ALG12: variants seen among roughly 807,000 people sequenced by gnomAD.
ALG12 encodes ALG12 alpha-1,6-mannosyltransferase.
A neutral mutation model predicts 46.0 loss-of-function variants in ALG12; 36 were observed. The ratio of observed to expected loss-of-function variants is 0.78; its 90% CI spans 0.60 to 1.03. The LOEUF is 1.03. Ranked by LOEUF, ALG12 falls within the 50% of genes least tolerant of loss-of-function variation. The pLI, the probability that ALG12 is intolerant of heterozygous loss-of-function variation, is 0.00. For synonymous variants in ALG12, 326 were observed against 291.6 expected, an observed-to-expected ratio of 1.12 and a Z score of -1.20; for missense variants, 599 against 633.5, an observed-to-expected ratio of 0.95 and a Z score of 0.58.
In ALG12 at chr22:49,903,988, C is replaced by T; in HGVS notation, c.1317G>A (p.Gly439=). ...YTHILMEAAP[G]LLALYRDTHR... The stretch of plus-strand genomic sequence containing the variant: ...GTGTGTCCCTGTAGAGGGCCAGGAG[C>T]CCAGGGGCCGCCTCCATGAGGATGT... The change falls in exon 10 of 10, where the codon GGG becomes GGA. Residue 439 remains glycine, a synonymous_variant. Transcript: ENST00000330817. 1.2e-6 allele frequency: 2 copies of T among 1,614,214 alleles called. No homozygotes were observed. The highest frequency in any genetic ancestry group is 3.3e-4 in the Middle Eastern group (2 of 6,062).
chr22:49,882,576 G>A, the ALG12 span, among the ~76,000 whole-genome samples: 1 of 152,176 alleles, frequency 6.6e-6, no homozygotes, highest in East Asian at 1.9e-4. Context: ...TCCGAGCTTC[G>A]GCTCAGTTAC....
At chr22:49,896,443 T>C (rs954307049), downstream of ALG12, among the ~76,000 whole-genome samples, 49 of 152,212 alleles carry the variant, frequency 3.2e-4, no homozygotes, top group African/African-American at 1.2e-3. Flanking sequence ...GCCTCTGCCA[T>C]GTCCATGGTC....
the ALG12 span, among the ~76,000 whole-genome samples, chr22:49,880,030 T>G: frequency 1.3e-5 from 2 of 151,984 alleles, no homozygotes; most frequent in Non-Finnish European, 2.9e-5. Flanking sequence ...TGTATTTTAC[T>G]TTATTGGGTG....
At chr22:49,868,287 A>G in the ALG12 span, among the ~76,000 whole-genome samples, 3 of 152,372 alleles carry the variant, frequency 2.0e-5, no homozygotes, top group African/African-American at 7.2e-5. Context: ...CAAGCAAACA[A>G]ATGAGCTTAC....
chr22:49,884,416 G>A, the ALG12 span: 1 of 1,613,876 alleles, frequency 6.2e-7, no homozygotes, highest in Non-Finnish European at 8.5e-7. Context: ...AGAAGCCCTG[G>A]TGGGGTCGTC....
Position 49,904,386 on chromosome 22 carries a change from T to C in ALG12, c.1113A>G (p.Pro371=). ...GCAGCCTCTGCATTGCGACGCCACC[T>C]GGGTAGTTGAAATGGGACACATACA... ...TALYVSHFNY[P]GGVAMQRLHQ... is the part of the protein sequence containing the mutation. The change falls in exon 8 of 10, where the codon CCA becomes CCG. Residue 371 remains proline, a synonymous_variant. Transcript: ENST00000330817. The C allele has an allele frequency of 6.2e-7, 1 of 1,614,088 alleles. No individual in the cohort carries two copies. The highest frequency in any genetic ancestry group is 8.5e-7 in the Non-Finnish European group (1 of 1,180,014).
chr22:49,886,350 C>G, the ALG12 span: 1 of 1,608,644 alleles, frequency 6.2e-7, no homozygotes, highest in East Asian at 2.2e-5. The surrounding 1 kb of genome is among the most constrained non-coding windows in gnomAD (Gnocchi z 7.7). Context: ...GCACTTCCTT[C>G]CACATGCTCG....
the ALG12 span, among the ~76,000 whole-genome samples, chr22:49,872,564 C>T: frequency 3.3e-5 from 5 of 152,202 alleles, no homozygotes; most frequent in East Asian, 5.8e-4. Flanking sequence ...TGGTCTTGCT[C>T]TGTCACCAAG....
the ALG12 span, chr22:49,886,415 T>C: frequency 6.2e-7 from 1 of 1,600,140 alleles, no homozygotes; most frequent in Admixed American, 1.7e-5. This position sits in a 1 kb window ranked among gnomAD's most constrained non-coding sequence, Gnocchi z 7.7. Flanking sequence ...GAGTGTAACT[T>C]CCGAGAGCTG....
At chr22:49,895,123 T>C in the ALG12 span, among the ~76,000 whole-genome samples, 1 of 150,942 alleles carries the variant, frequency 6.6e-6, no homozygotes, top group Non-Finnish European at 1.5e-5. Flanking sequence ...CTTTCTATGT[T>C]AGTAAACCCA....
At position 49,913,702 on chromosome 22, in the gene ALG12, T is replaced by G; in HGVS notation, c.64A>C (p.Thr22Pro). 6.2e-7 allele frequency: 1 copy of G among 1,613,530 alleles called. No individual in the cohort carries two copies. Among genetic ancestry groups the G allele is most frequent in the Non-Finnish European group, 8.5e-7 (1 of 1,179,978 alleles). ...LLLGLLVAVA[T>P]VHLVICPYTK... Reference sequence around the variant, plus strand: ...TAGGGACAGATGACCAGGTGGACAGTGGCTACGGCCACCAGCAGCCCCAGC... The same window carrying G: ...TAGGGACAGATGACCAGGTGGACAGGGGCTACGGCCACCAGCAGCCCCAGC... Residue 22 changes from threonine to proline, a missense_variant, in exon 2 of 10, where the codon ACT (threonine) becomes CCT (proline). Coordinates refer to ENST00000330817, the MANE Select transcript of ALG12 (RefSeq NM_024105.4).
At chr22:49,886,641 G>C in the ALG12 span, 1 of 1,594,824 alleles carries the variant, frequency 6.3e-7, no homozygotes. The surrounding 1 kb of genome is among the most constrained non-coding windows in gnomAD (Gnocchi z 7.7). Context: ...TGAGCCGCCT[G>C]TCTGCCACCC....
chr22:49,913,358 CT>C (rs768140205), intron 3 of ALG12, 26 bp downstream of exon 3: 1 of 1,613,238 alleles, frequency 6.2e-7, no homozygotes, highest in Non-Finnish European at 8.5e-7. Context: ...CCCTCACTCC[CT>C]CCTCCTTTGT....
the ALG12 span, among the ~76,000 whole-genome samples, chr22:49,893,938 C>T: frequency 5.3e-5 from 8 of 152,166 alleles, no homozygotes; most frequent in East Asian, 3.9e-4. Flanking sequence ...CCAAGGCAGG[C>T]GGATCACCTG....
At chr22:49,861,754 T>A in the ALG12 span, among the ~76,000 whole-genome samples, 1 of 152,224 alleles carries the variant, frequency 6.6e-6, no homozygotes, top group Admixed American at 6.5e-5. Flanking sequence ...GTCTGGTTTT[T>A]CTGCTCAGCA....
chr22:49,903,870 C>G lies in ALG12; in HGVS notation c.1435G>C (p.Val479Leu). 6.2e-7 allele frequency: 1 copy of G among 1,614,244 alleles called. No homozygotes were observed. The highest frequency in any genetic ancestry group is 1.1e-5 in the South Asian group (1 of 91,090). Residue 479 changes from valine to leucine, a missense_variant, in exon 10 of 10, where the codon GTG becomes CTG. Transcript: ENST00000330817. ...PFNVHLQTKL[V>L]LLERLPRPS ...GGCCGGGGGAGCCTCTCCAGAAGCA[C>G]CAGCTTTGTCTGCAGGTGGACGTTG...
At chr22:49,887,091 C>T in the ALG12 span, 2 of 1,614,196 alleles carry the variant, frequency 1.2e-6, no homozygotes, top group Non-Finnish European at 1.7e-6. Context: ...AGAACGGTAG[C>T]CTTGGCCAAT....
the ALG12 span, among the ~76,000 whole-genome samples, chr22:49,862,928 C>A: frequency 6.6e-6 from 1 of 152,030 alleles, no homozygotes; most frequent in Admixed American, 6.5e-5. Flanking sequence ...TCTCGAACTC[C>A]TGACCTTAGG....
the ALG12 span, among the ~76,000 whole-genome samples, chr22:49,890,693 G>A: frequency 5.3e-5 from 8 of 152,156 alleles, no homozygotes; most frequent in East Asian, 7.7e-4. Context: ...CTAAAGCTTC[G>A]GCTAACTTTC....
Sources: gnomAD v4.1 joint callset for allele counts (sites outside exome capture counted in the v4.1 genomes callset) on GRCh38, gnomAD v4.1.1 for gene constraint, Gnocchi (gnomAD v3.1) non-coding constraint, MANE v1.5 for transcripts, NCBI Gene and HGNC (gene_info 2026-07-23, HGNC 2026-07-21) for gene names.